FOCAD: variants seen among roughly 807,000 people sequenced by gnomAD.
FOCAD encodes the protein focadhesin.
FOCAD carries 198 observed loss-of-function variants against 225.6 expected under a neutral mutation model. The observed-to-expected ratio is 0.88, with a 90% CI of 0.78 to 0.99. The LOEUF (loss-of-function observed/expected upper bound fraction) is 0.99, where lower values mean the gene tolerates loss of function less well. Ranked by LOEUF, FOCAD falls within the 50% of genes least tolerant of loss-of-function variation. The pLI is 0.00. For synonymous variants in FOCAD, 897 were observed against 755.0 expected, an observed-to-expected ratio of 1.19 and a Z score of -3.08; for missense variants, 2,713 against 2,123.6, an observed-to-expected ratio of 1.28 and a Z score of -5.46.
upstream of FOCAD, among the ~76,000 whole-genome samples, chr9:20,656,794 T>C (rs1198797035): frequency 1.3e-5 from 2 of 152,180 alleles, no homozygotes; most frequent in Admixed American, 6.5e-5. Context: ...GTTAATAGCG[T>C]TATGTGTGAA....
At chr9:20,734,711 C>G (rs1826994252) in intron 4 of FOCAD, among the ~76,000 whole-genome samples, 1 of 151,858 alleles carries the variant, frequency 6.6e-6, no homozygotes, top group Admixed American at 6.5e-5. Flanking sequence ...GTGGCGTGAT[C>G]ATGGCTCACT....
At chr9:20,951,576 C>G (rs769104034) in intron 34 of FOCAD, among the ~76,000 whole-genome samples, 2 of 152,076 alleles carry the variant, frequency 1.3e-5, no homozygotes, top group Non-Finnish European at 2.9e-5. Context: ...TCATATATGG[C>G]TGGAGTTTTT....
intron 24 of FOCAD, among the ~76,000 whole-genome samples, chr9:20,920,901 C>G (rs1265860533): frequency 2.0e-5 from 3 of 151,064 alleles, no homozygotes; most frequent in Non-Finnish European, 4.4e-5. Flanking sequence ...CAGCATGGCA[C>G]ATGTATACAT....
Position 20,867,105 on chromosome 9 carries a change from A to G in FOCAD, c.2190+93A>G, listed in dbSNP as rs371027013. On this transcript the variant is annotated intron_variant, in intron 18 of 43. Transcript: ENST00000338382. ...CTTAGGAGATACTTACCTGATGAAT[A>G]TATACATAACCCTAGATCTGTTGTC... 3,272 of 754,244 alleles carry G rather than the reference A, an allele frequency of 4.3e-3. 139 individuals are homozygous for G. In the South Asian group the frequency reaches 0.055, roughly 13 times the overall value. The allele number at this position is 754,244 out of a possible 1,614,324, so 46.7% of individuals were successfully genotyped here. A position where few individuals can be genotyped will look rare whatever the true frequency, so the allele number is the denominator to read the frequency against.
intron 4 of FOCAD, among the ~76,000 whole-genome samples, chr9:20,722,846 C>T (rs578151127): frequency 6.6e-6 from 1 of 151,596 alleles, no homozygotes; most frequent in Non-Finnish European, 1.5e-5. Flanking sequence ...TATTTTTTGC[C>T]CCCCACCCCA....
intron 12 of FOCAD, 41 bp downstream of exon 12, chr9:20,819,941 C>A: frequency 8.4e-7 from 1 of 1,185,824 alleles, no homozygotes; most frequent in South Asian, 1.5e-5. Context: ...AAAAGTGAGT[C>A]ATGAATAATA....
chr9:20,673,951 T>C (rs1375946371), intron 2 of FOCAD, among the ~76,000 whole-genome samples: 1 of 152,254 alleles, frequency 6.6e-6, no homozygotes, highest in Non-Finnish European at 1.5e-5. Flanking sequence ...TCTTTACTCT[T>C]AATTAGTTGA....
intron 4 of FOCAD, among the ~76,000 whole-genome samples, chr9:20,734,616 T>G (rs534364390): frequency 6.6e-6 from 1 of 152,302 alleles, no homozygotes; most frequent in South Asian, 2.1e-4. Flanking sequence ...CTCTTCCTCT[T>G]TAAAAGATAA....
At chr9:20,739,156 C>G (rs1027684958) in intron 4 of FOCAD, among the ~76,000 whole-genome samples, 2 of 152,110 alleles carry the variant, frequency 1.3e-5, no homozygotes, top group Non-Finnish European at 2.9e-5. Context: ...CAAATGATAC[C>G]TAATTAAGTC....
intron 26 of FOCAD, among the ~76,000 whole-genome samples, chr9:20,926,831 T>G (rs1253688134): frequency 6.6e-6 from 1 of 150,872 alleles, no homozygotes; most frequent in Non-Finnish European, 1.5e-5. Flanking sequence ...CATTATATAG[T>G]GTAATGATTC....
At chr9:20,690,472 A>C (rs899207812) in intron 1 of FOCAD, among the ~76,000 whole-genome samples, 3 of 152,186 alleles carry the variant, frequency 2.0e-5, no homozygotes, top group Non-Finnish European at 4.4e-5. Flanking sequence ...CACTTTAATC[A>C]GGCTTTCTCC....
At chr9:20,815,725 C>T (rs1412586324) in intron 11 of FOCAD, among the ~76,000 whole-genome samples, 1 of 152,010 alleles carries the variant, frequency 6.6e-6, no homozygotes, top group Non-Finnish European at 1.5e-5. Flanking sequence ...TTGAGACAGT[C>T]AATTATAGGA....
intron 15 of FOCAD, among the ~76,000 whole-genome samples, chr9:20,843,162 A>T (rs1031848899): frequency 6.6e-6 from 1 of 152,112 alleles, no homozygotes; most frequent in African/African-American, 2.4e-5. Flanking sequence ...CAATATTATA[A>T]TGTTCTGTAT....
chr9:20,666,978 AACCCACAAAAAC>A (rs1471592489), intron 2 of FOCAD, among the ~76,000 whole-genome samples: 1 of 152,260 alleles, frequency 6.6e-6, no homozygotes, highest in African/African-American at 2.4e-5. Flanking sequence ...CAAACAAAAA[AACCCACAAAAAC>A]TACTTTTGCA....
At chr9:20,663,505 A>ACACC (rs1821800203) in intron 2 of FOCAD, among the ~76,000 whole-genome samples, 1 of 151,842 alleles carries the variant, frequency 6.6e-6, no homozygotes, top group Non-Finnish European at 1.5e-5. Flanking sequence ...ACACACACAC[A>ACACC]CATACACACA....
Position 20,757,905 on chromosome 9 carries a change from G to C in FOCAD, c.393-185G>C, listed in dbSNP as rs377297466. ...CTGCAAAAATGTTAGGAAAAGGCAG[G>C]GGGGAGAGTCAGTTCTGATGAACCA... On this transcript the variant is annotated intron_variant, in intron 5 of 43. Coordinates refer to ENST00000338382, the MANE Select transcript of FOCAD (RefSeq NM_001375567.1). Among the ~76,000 whole-genome samples the C allele has an allele frequency of 5.9e-5, 9 of 152,252 alleles. No homozygotes were observed. In the South Asian group the frequency reaches 6.2e-4, roughly 11 times the overall value.
chr9:20,914,984 A>G (rs535137876), intron 23 of FOCAD, among the ~76,000 whole-genome samples: 2 of 152,324 alleles, frequency 1.3e-5, no homozygotes, highest in South Asian at 2.1e-4. Context: ...AGGATGTGAA[A>G]GAAAGGGATC....
At chr9:20,696,312 A>G (rs1823363263) in intron 1 of FOCAD, among the ~76,000 whole-genome samples, 1 of 152,254 alleles carries the variant, frequency 6.6e-6, no homozygotes, top group East Asian at 1.9e-4. Context: ...CTAAGAGAGT[A>G]GATTTCAAGT....
intron 15 of FOCAD, among the ~76,000 whole-genome samples, chr9:20,826,957 G>T (rs891577926): frequency 6.6e-6 from 1 of 151,938 alleles, no homozygotes; most frequent in Non-Finnish European, 1.5e-5. Context: ...ACCATCATTT[G>T]CCTTAATTTT....
Sources: gnomAD v4.1 joint callset for allele counts (sites outside exome capture counted in the v4.1 genomes callset) on GRCh38, gnomAD v4.1.1 for gene constraint, MANE v1.5 for transcripts, NCBI Gene and HGNC (gene_info 2026-07-23, HGNC 2026-07-21) for gene names.